Variants in POLR2G observed in about 807,000 individuals in gnomAD.
The protein encoded by POLR2G is DNA-directed RNA polymerase II subunit RPB7.
POLR2G carries 19 observed loss-of-function variants against 25.7 expected under a neutral mutation model. The observed-to-expected ratio is 0.74, with a 90% CI of 0.52 to 1.08. The LOEUF is 1.08. POLR2G is among the 50% of genes least tolerant of loss of function. The probability of loss-of-function intolerance (pLI) is 0.00; values close to 1 mark genes in which losing one functional copy is unlikely to be tolerated. For synonymous variants in POLR2G, 79 were observed against 76.0 expected (o/e 1.04, Z -0.21); for missense variants, 123 against 218.5 (o/e 0.56, Z 2.76).
At chr11:62,761,985 A>G (rs1360539961) in intron 2 of POLR2G, 81 bp downstream of exon 2, 5 of 1,017,334 alleles carry the variant, frequency 4.9e-6, no homozygotes, top group African/African-American at 4.7e-5. Context: ...CCCAACTCCT[A>G]CTCGTCCTGC....
intron 2 of POLR2G, chr11:62,762,639 C>G (rs1224666449): frequency 6.5e-6 from 4 of 617,096 alleles, no homozygotes; most frequent in African/African-American, 5.4e-5. Context: ...AGGACTCCAG[C>G]CTTCTTGGAC....
At chr11:62,765,535 T>G in intron 5 of POLR2G, 118 bp from the exon 6 acceptor site, 2 of 1,102,260 alleles carry the variant, frequency 1.8e-6, no homozygotes. Context: ...TTTTATGACT[T>G]TACGATGGTG....
chr11:62,765,032 T>C (rs2084108107), intron 3 of POLR2G, 150 bp from the exon 4 acceptor site: 2 of 618,756 alleles, frequency 3.2e-6, no homozygotes, highest in African/African-American at 3.7e-5. Flanking sequence ...CTAATTTTTG[T>C]ATTTTTAGTA....
chr11:62,764,962 G>A (rs898090973), intron 3 of POLR2G, among the ~76,000 whole-genome samples: 5 of 151,770 alleles, frequency 3.3e-5, no homozygotes, highest in Non-Finnish European at 7.4e-5. Flanking sequence ...GGGTTCAAAC[G>A]ATTCTCCTGC....
Position 62,761,847 on chromosome 11 carries a change from T to G in POLR2G, c.65T>G (p.Leu22Trp). The G allele has an allele frequency of 6.2e-7, 1 of 1,613,850 alleles. No individual in the cohort carries two copies. The highest frequency in any genetic ancestry group is 8.5e-7 in the Non-Finnish European group (1 of 1,180,006). ...LLHPRYFGPN[L>W]LNTVKQKLFT... ...CACCCGCGCTACTTCGGCCCCAACT[T>G]GCTCAACACGGTGAAGCAGAAGCTC... The change falls in exon 2 of 8, where the codon TTG (leucine) becomes TGG (tryptophan). Residue 22 changes from leucine (L) to tryptophan (W), a missense_variant. Transcript: ENST00000301788.
At chr11:62,761,961 A>G (rs2134854455) in intron 2 of POLR2G, 57 bp downstream of exon 2, 1 of 1,251,526 alleles carries the variant, frequency 8.0e-7, no homozygotes, top group Non-Finnish European at 1.2e-6. Context: ...GGGGCGCTAT[A>G]CCTGCAACCC....
At chr11:62,765,120 G>C (rs2084108779) in intron 3 of POLR2G, 62 bp from the exon 4 acceptor site, 1 of 1,465,174 alleles carries the variant, frequency 6.8e-7, no homozygotes, top group African/African-American at 1.4e-5. Flanking sequence ...GCCTCCCAAA[G>C]TGCTGGGATT....
intron 3 of POLR2G, among the ~76,000 whole-genome samples, 156 bp from the exon 4 acceptor site, chr11:62,765,026 T>G (rs987428008): frequency 6.6e-6 from 1 of 152,034 alleles, no homozygotes; most frequent in Admixed American, 6.6e-5. Flanking sequence ...GCCCGGCTAA[T>G]TTTTGTATTT....
chr11:62,766,142 C>T (rs1448854582), intron 6 of POLR2G, 101 bp from the exon 7 acceptor site: 3 of 1,017,376 alleles, frequency 2.9e-6, no homozygotes, highest in Non-Finnish European at 4.7e-6. Context: ...GCTCTTCTGC[C>T]AGGAAGAAGG....
chr11:62,765,570 C>A, intron 5 of POLR2G, 83 bp from the exon 6 acceptor site: 1 of 1,119,362 alleles, frequency 8.9e-7, no homozygotes, highest in African/African-American at 1.5e-5. Context: ...ATTCAATATG[C>A]CCCCGGGCTT....
In POLR2G at chr11:62,766,221, C is replaced by T. The variant is rs572744834; in HGVS notation, c.472-22C>T. ...TCTGTGCTCATCTTGGCTTCACTTT[C>T]TTTTTACCATCTTTCTTGCAGTTTG... On this transcript the variant is annotated intron_variant, in intron 6 of 7. Transcript: ENST00000301788. The T allele has an allele frequency of 6.8e-6, 11 of 1,612,830 alleles. No individual in the cohort carries two copies. In the East Asian group the frequency reaches 2.0e-4, roughly 29 times the overall value.
rs778939342 is a variant in POLR2G, at chr11:62,765,375, C to T, written c.369C>T (p.Ser123=). ...CAGAGATGGAGTTTGATCCTAACTC[C>T]AACCCACCATGTTACAAGACAATGG... ...IPSEMEFDPN[S]NPPCYKTMDE... Residue 123 remains serine, a synonymous_variant, in exon 5 of 8, where the codon TCC becomes TCT. Coordinates refer to ENST00000301788, the MANE Select transcript of POLR2G (RefSeq NM_002696.3). The T allele has an allele frequency of 3.1e-6, 5 of 1,613,298 alleles. No homozygotes were observed. The South Asian group carries it at 4.4e-5, about 14-fold the overall frequency.
intron 6 of POLR2G, 111 bp from the exon 7 acceptor site, chr11:62,766,132 G>A (rs769610689): frequency 4.2e-6 from 4 of 941,454 alleles, no homozygotes; most frequent in Non-Finnish European, 3.5e-6. Context: ...GGGGTTCTGT[G>A]CTCTTCTGCC....
intron 6 of POLR2G, among the ~76,000 whole-genome samples, chr11:62,765,926 T>C (rs988058242): frequency 1.8e-4 from 27 of 151,930 alleles, no homozygotes; most frequent in Non-Finnish European, 3.2e-4. Context: ...TAGCTGGGAC[T>C]ACAGGCGCCC....
At chr11:62,766,463 T>C in intron 7 of POLR2G, 31 bp from the exon 8 acceptor site, 1 of 1,613,742 alleles carries the variant, frequency 6.2e-7, no homozygotes, top group East Asian at 2.2e-5. Context: ...AAATTCCGGT[T>C]CTAACTGATA....
chr11:62,761,634 A>T lies in POLR2G; in HGVS notation c.-15A>T. The T allele has an allele frequency of 6.2e-7, 1 of 1,608,618 alleles. No individual in the cohort carries two copies. Among genetic ancestry groups the T allele is most frequent in the Non-Finnish European group, 8.5e-7 (1 of 1,176,836 alleles). On this transcript the variant is annotated 5_prime_UTR_variant, in exon 1 of 8. Transcript: ENST00000301788. ...TCGGAGGTGTGGACTCTGCCTGCCT[A>T]CCTGGTCTGGGAAGATGTTCTACCA...
At chr11:62,762,117 T>C (rs1026137347) in intron 2 of POLR2G, 7 of 578,354 alleles carry the variant, frequency 1.2e-5, no homozygotes, top group Non-Finnish European at 2.2e-5. Flanking sequence ...GATGGGTCAT[T>C]CATTGACTCC....
intron 6 of POLR2G, among the ~76,000 whole-genome samples, chr11:62,766,039 G>T (rs539539902): frequency 1.3e-5 from 2 of 151,892 alleles, no homozygotes; most frequent in Admixed American, 6.6e-5. Context: ...CACCCGACTC[G>T]GCCTCCCAAA....
At chr11:62,764,693 G>A (rs2084106018) in intron 3 of POLR2G, among the ~76,000 whole-genome samples, 1 of 152,112 alleles carries the variant, frequency 6.6e-6, no homozygotes, top group Admixed American at 6.6e-5. Context: ...CAACTTGGGA[G>A]GCTGAGGTGG....
Sources: gnomAD v4.1 joint callset for allele counts (sites outside exome capture counted in the v4.1 genomes callset) on GRCh38, gnomAD v4.1.1 for gene constraint, MANE v1.5 for transcripts, NCBI Gene and HGNC (gene_info 2026-07-23, HGNC 2026-07-21) for gene names.